Variants in LRP6 observed in about 807,000 individuals in gnomAD.
LRP6 encodes the protein LDL receptor related protein 6.
In LRP6, 43 loss-of-function variants were observed where a neutral mutation model predicts 184.1. The ratio of observed to expected loss-of-function variants is 0.23; its 90% CI spans 0.18 to 0.30. The LOEUF is 0.30. LRP6 is among the 10% of genes least tolerant of loss of function. The pLI, the probability that LRP6 is intolerant of heterozygous loss-of-function variation, is 1.00. For synonymous variants in LRP6, 719 were observed against 684.9 expected (o/e 1.05, Z -0.78); for missense variants, 1,571 against 2,005.3 (o/e 0.78, Z 4.14).
At chr12:12,166,741 C>T (rs2136955599) in intron 7 of LRP6, among the ~76,000 whole-genome samples, 1 of 152,232 alleles carries the variant, frequency 6.6e-6, no homozygotes, top group Non-Finnish European at 1.5e-5. Context: ...TATCACTTTC[C>T]AACATTTTTG....
intron 7 of LRP6, 152 bp from the exon 8 acceptor site, chr12:12,165,447 A>C: frequency 2.9e-6 from 2 of 681,344 alleles, no homozygotes; most frequent in Non-Finnish European, 5.2e-6. Context: ...ATGATTTTAT[A>C]AAAATGATTT....
chr12:12,155,228 A>G lies in LRP6; in HGVS notation c.2791+3601T>C, dbSNP rs1950134676. 10 of 699,206 alleles carry G rather than the reference A, an allele frequency of 1.4e-5. 1 individual carries two copies. Among genetic ancestry groups the G allele is most frequent in the Non-Finnish European group, 2.6e-5 (10 of 378,900 alleles). The allele number at this position is 699,206 out of a possible 1,614,324, so 43.3% of individuals were successfully genotyped here. ...CAAACAAACAAACAAAAAGTCTTTC[A>G]GCCAGAACTGCCATCTTCCAGTAAT... is the stretch of plus-strand genomic sequence containing the variant. On this transcript the variant is annotated intron_variant, in intron 12 of 22. Transcript: ENST00000261349.
rs188486768 is a variant in LRP6 at position 12,204,902 on chromosome 12, G to A, written c.450-1502C>T. On this transcript the variant is annotated intron_variant, in intron 2 of 22. Transcript: ENST00000261349. ...GAATCGCTTGAACCTGGGAGGCGGA[G>A]GGTGCAGTGAGCCGAGATCACACCA... Among the ~76,000 whole-genome samples the A allele has an allele frequency of 3.4e-5, 5 of 146,106 alleles. No homozygotes were observed. The East Asian group carries it at 8.4e-4, about 24-fold the overall frequency.
At position 12,199,610 on chromosome 12, in the gene LRP6, T is replaced by TA. The variant is rs542928853; in HGVS notation, c.647+3592dup. Among the ~76,000 whole-genome samples, 61 of 152,196 alleles carry TA rather than the reference T, an allele frequency of 4.0e-4. No homozygotes were observed. In the South Asian group the frequency reaches 4.4e-3, roughly 11 times the overall value. ...GGAGCCATTCATAATTGCTGGGCAC[T>TA]AAAAAATGTTGCAGAATTCTTTGCC... On this transcript the variant is annotated intron_variant, in intron 3 of 22. Coordinates refer to ENST00000261349, the MANE Select transcript of LRP6 (RefSeq NM_002336.3).
Position 12,181,199 on chromosome 12 carries a change from T to A in LRP6, c.1217A>T (p.Asp406Val). 1 of 1,614,146 alleles carries A rather than the reference T, an allele frequency of 6.2e-7. No homozygotes were observed. Among genetic ancestry groups the A allele is most frequent in the East Asian group, 2.2e-5 (1 of 44,890 alleles). The part of the protein sequence containing the change: ...FVVTAQIAHP[D>V]GIAVDWVARN... Reference sequence around the variant, plus strand: ...TGCAACCCAGTCCACAGCAATACCATCAGGATGGGCAATTTGAGCAGTGAC... The same window carrying A: ...TGCAACCCAGTCCACAGCAATACCAACAGGATGGGCAATTTGAGCAGTGAC... The change falls in exon 6 of 23, where the codon GAT becomes GTT. Residue 406 changes from aspartate (D) to valine (V), a missense_variant. By Grantham distance (152) the Asp-to-Val change is radical. This residue lies in a region of LRP6 where 640 missense variants were observed against 851.9 expected (regional missense o/e 0.75). Transcript: ENST00000261349.
intron 16 of LRP6, among the ~76,000 whole-genome samples, chr12:12,135,711 C>T (rs1351167722): frequency 6.6e-6 from 1 of 151,688 alleles, no homozygotes; most frequent in African/African-American, 2.4e-5. Context: ...TCAGGTTGGT[C>T]CAGCTTGGAC....
At position 12,266,714 on chromosome 12, in the gene LRP6, G is replaced by A. The variant is rs145609690; in HGVS notation, c.22C>T (p.Leu8Phe). MGAVLRS[L>F]LACSFCVLLR... Reference sequence around the variant, plus strand: ...AGCACACAGAAGCTGCAGGCCAGGAGGCTCCTCAGGACGGCCCCCATCTTC... The same window carrying A: ...AGCACACAGAAGCTGCAGGCCAGGAAGCTCCTCAGGACGGCCCCCATCTTC... Residue 8 changes from leucine (L) to phenylalanine (F), a missense_variant, in exon 1 of 23, where the codon CTC becomes TTC. Around this residue, in one of 4 missense-constraint regions of LRP6, gnomAD observed 640 missense variants for 851.9 expected, o/e 0.75. Transcript: ENST00000261349. 9.3e-6 allele frequency: 15 copies of A among 1,613,582 alleles called. No homozygotes were observed. The highest frequency in any genetic ancestry group is 4.0e-5 in the African/African-American group (3 of 74,872).
chr12:12,177,906 G>A (rs1437841725), intron 7 of LRP6, among the ~76,000 whole-genome samples: 3 of 143,348 alleles, frequency 2.1e-5, no homozygotes, highest in South Asian at 2.1e-4. Flanking sequence ...ACAAATGAAC[G>A]AATGAACGAA....
chr12:12,121,448 C>G, intron 22 of LRP6, 28 bp from the exon 23 acceptor site: 1 of 1,607,716 alleles, frequency 6.2e-7, no homozygotes, highest in Non-Finnish European at 8.5e-7. Context: ...TAAAGAGAAG[C>G]AGTTAGTTTT....
In LRP6 at chr12:12,162,378, A is replaced by C; in HGVS notation, c.2094T>G (p.His698Gln). 1 of 1,614,158 alleles carries C rather than the reference A, an allele frequency of 6.2e-7. No individual in the cohort carries two copies. Residue 698 changes from histidine to glutamine, a missense_variant, in exon 10 of 23, where the codon CAT (histidine) becomes CAG (glutamine). Physicochemically the swap from His to Gln is conservative, Grantham distance 24 (BLOSUM62 0). Transcript: ENST00000261349. ...GATAATCTAAGCCGAATTCTACCAC[A>C]TGTTCCAGTGCACTGCCATTCATAA... ...RAFMNGSALE[H>Q]VVEFGLDYPE... is the part of the protein sequence containing the mutation.
chr12:12,201,718 TC>T (rs1200868943), intron 3 of LRP6, among the ~76,000 whole-genome samples: 24 of 152,200 alleles, frequency 1.6e-4, no homozygotes, highest in African/African-American at 5.3e-4. Flanking sequence ...CATGGCCACA[TC>T]CATCTTCCTA....
At chr12:12,228,859 G>A (rs1864699945) in intron 2 of LRP6, among the ~76,000 whole-genome samples, 1 of 152,124 alleles carries the variant, frequency 6.6e-6, no homozygotes, top group Non-Finnish European at 1.5e-5. Context: ...CACTGCTCTA[G>A]GGAAAGCAGA....
Position 12,116,969 on chromosome 12 carries a change from A to G in LRP6, c.*4157T>C, listed in dbSNP as rs775059443. The G allele has an allele frequency of 1.3e-5, 2 of 152,178 alleles. No individual in the cohort carries two copies. The highest frequency in any genetic ancestry group is 3.2e-3 in the Middle Eastern group (1 of 316). The allele number at this position is 152,178 out of a possible 1,614,324, so 9.4% of individuals were successfully genotyped here. On this transcript the variant is annotated 3_prime_UTR_variant, in exon 23 of 23. Coordinates refer to ENST00000261349, the MANE Select transcript of LRP6 (RefSeq NM_002336.3). The stretch of plus-strand genomic sequence containing the variant: ...AATACTTATAATTTAAATTTTAAAA[A>G]AATTATAAACGTATAATTTTATACT...
At chr12:12,212,893 A>C (rs538142102) in intron 2 of LRP6, among the ~76,000 whole-genome samples, 1 of 152,330 alleles carries the variant, frequency 6.6e-6, no homozygotes, top group South Asian at 2.1e-4. Flanking sequence ...ATTAGAACTT[A>C]TCCAGCTCAC....
intron 1 of LRP6, among the ~76,000 whole-genome samples, chr12:12,261,877 C>T (rs534794187): frequency 6.6e-6 from 1 of 152,212 alleles, no homozygotes; most frequent in South Asian, 2.1e-4. Context: ...GTGGTTTGTT[C>T]CAACAATATT....
At chr12:12,229,168 C>T (rs531288217) in intron 2 of LRP6, among the ~76,000 whole-genome samples, 6 of 152,140 alleles carry the variant, frequency 3.9e-5, no homozygotes, top group African/African-American at 1.2e-4. Flanking sequence ...GTTGGGAGTT[C>T]GAGACCAGCC....
rs78631600 is a variant in LRP6 at position 12,266,785 on chromosome 12, G to T, written c.-50C>A. On this transcript the variant is annotated 5_prime_UTR_variant, in exon 1 of 23. Coordinates refer to ENST00000261349, the MANE Select transcript of LRP6 (RefSeq NM_002336.3). ...TCACCGGCGAGGGGTGGCCAGAAGT[G>T]GGGGAGGCGAGGAGCCGGGGCGGCC... is the stretch of plus-strand genomic sequence containing the variant. 111,784 of 1,530,180 alleles carry T rather than the reference G, an allele frequency of 0.073. 4,551 individuals are homozygous for T. Among genetic ancestry groups the T allele is most frequent in the Admixed American group, 0.11 (6,392 of 56,830 alleles). 94.8% of individuals were successfully genotyped at this position (1,530,180 alleles called of 1,614,324 possible).
At chr12:12,171,124 G>A (rs113794654) in intron 7 of LRP6, among the ~76,000 whole-genome samples, 4,750 of 152,216 alleles carry the variant, frequency 0.031, 122 homozygotes, top group Middle Eastern at 0.071. Context: ...TCTATACTCT[G>A]ACATTTTCCA....
At chr12:12,215,578 T>G (rs1411722329) in intron 2 of LRP6, among the ~76,000 whole-genome samples, 6 of 151,440 alleles carry the variant, frequency 4.0e-5, no homozygotes, top group African/African-American at 1.5e-4. Flanking sequence ...CTCAAACTTC[T>G]GACCTCAGGT....
Sources: allele counts gnomAD v4.1 joint callset (sites outside exome capture counted in the v4.1 genomes callset), GRCh38; gene constraint gnomAD v4.1.1; regional missense constraint gnomAD v4.1.1; transcripts MANE v1.5; gene names NCBI Gene and HGNC (gene_info 2026-07-23, HGNC 2026-07-21).